The following FBLN5 variants were observed in gnomAD, a reference collection of about 807,000 sequenced individuals.
The protein encoded by FBLN5 is fibulin-5.
A neutral mutation model predicts 61.6 loss-of-function variants in FBLN5; 24 were observed. That is an observed-to-expected ratio of 0.39 (90% CI 0.28 to 0.55). The LOEUF is 0.55. FBLN5 is among the 20% of genes least tolerant of loss of function. FBLN5 has a pLI of 0.65. For synonymous variants in FBLN5, 213 were observed against 219.8 expected, an observed-to-expected ratio of 0.97 and a Z score of 0.27; for missense variants, 470 against 594.1, an observed-to-expected ratio of 0.79 and a Z score of 2.17.
Position 91,869,534 on chromosome 14 carries a change from G to A in FBLN5, c.*690C>T, listed in dbSNP as rs1469797841. 6.6e-6 allele frequency: 1 copy of A among 152,654 alleles called. No homozygotes were observed. The highest frequency in any genetic ancestry group is 2.4e-5 in the African/African-American group (1 of 41,448). The allele number at this position is 152,654 out of a possible 1,614,324, so 9.5% of individuals were successfully genotyped here. The stretch of plus-strand genomic sequence containing the variant: ...ACTGGGCTAAAATGGAGAGGAGACT[G>A]GGTTTGGGAAGACAGAACATAGCAT... On this transcript the variant is annotated 3_prime_UTR_variant, in exon 11 of 11. Coordinates refer to ENST00000342058, the MANE Select transcript of FBLN5 (RefSeq NM_006329.4).
chr14:91,879,866 C>T (rs2139954184), intron 9 of FBLN5, among the ~76,000 whole-genome samples: 1 of 152,306 alleles, frequency 6.6e-6, no homozygotes, highest in African/African-American at 2.4e-5. Flanking sequence ...CTGATTCATC[C>T]TTTCGTCTCC....
At chr14:91,912,019 T>A (rs953034340) in intron 4 of FBLN5, among the ~76,000 whole-genome samples, 1 of 152,262 alleles carries the variant, frequency 6.6e-6, no homozygotes, top group African/African-American at 2.4e-5. Flanking sequence ...TATTACACTG[T>A]GCATCATTGT....
chr14:91,941,747 C>A (rs1354514257), intron 2 of FBLN5, among the ~76,000 whole-genome samples: 1 of 149,682 alleles, frequency 6.7e-6, no homozygotes, highest in Non-Finnish European at 1.5e-5. Flanking sequence ...CTCTGCGTAA[C>A]TTTTCTATGC....
chr14:91,877,745 T>G, intron 9 of FBLN5, 63 bp from the exon 10 acceptor site: 1 of 1,345,366 alleles, frequency 7.4e-7, no homozygotes. Flanking sequence ...CTGTGCCTAC[T>G]TCCTCTCTTA....
chr14:91,883,151 C>A, intron 7 of FBLN5, 75 bp from the exon 8 acceptor site: 1 of 1,510,784 alleles, frequency 6.6e-7, no homozygotes, highest in South Asian at 1.1e-5. Context: ...CCATCTACTC[C>A]AACTCTCACA....
chr14:91,894,881 A>C (rs186998734), intron 5 of FBLN5, 69 bp downstream of exon 5: 1 of 1,292,086 alleles, frequency 7.7e-7, no homozygotes. Flanking sequence ...AGCTATGCCC[A>C]TACCTCAAAA....
At position 91,891,241 on chromosome 14, in the gene FBLN5, T is replaced by A; in HGVS notation, c.599A>T (p.Glu200Val). 1 of 1,609,436 alleles carries A rather than the reference T, an allele frequency of 6.2e-7. No individual in the cohort carries two copies. Among genetic ancestry groups the A allele is most frequent in the Non-Finnish European group, 8.5e-7 (1 of 1,175,674 alleles). ...CATACCTTGGCAAGACCTTCCATCC[T>A]CATTGAGGGTAAAACCAGGGTTGCA... is the stretch of plus-strand genomic sequence containing the variant. ...CTCNPGFTLNEDGRSCQDVNE... is the reference protein window; with the variant it reads ...CTCNPGFTLNVDGRSCQDVNE... The change falls in exon 6 of 11, where the codon GAG becomes GTG. Residue 200 changes from glutamate to valine, a missense_variant. Physicochemically the swap from Glu to Val is moderately radical, Grantham distance 121 (BLOSUM62 -2). Transcript: ENST00000342058.
intron 4 of FBLN5, among the ~76,000 whole-genome samples, chr14:91,920,666 G>A (rs1040280680): frequency 1.3e-5 from 2 of 152,142 alleles, no homozygotes; most frequent in African/African-American, 4.8e-5. Flanking sequence ...GGCAGAATCA[G>A]CTGTTCCCAC....
chr14:91,913,355 A>C (rs1891041666), intron 4 of FBLN5, among the ~76,000 whole-genome samples: 1 of 152,212 alleles, frequency 6.6e-6, no homozygotes, highest in Non-Finnish European at 1.5e-5. Flanking sequence ...AATAGAGCCT[A>C]TTACTATTAA....
intron 4 of FBLN5, among the ~76,000 whole-genome samples, chr14:91,913,877 T>C (rs1325064332): frequency 1.3e-5 from 2 of 152,110 alleles, no homozygotes; most frequent in Non-Finnish European, 2.9e-5. Context: ...ACTAAATAAA[T>C]CATGGATAAC....
chr14:91,944,190 G>A (rs1192040156), intron 1 of FBLN5, among the ~76,000 whole-genome samples: 1 of 152,052 alleles, frequency 6.6e-6, no homozygotes, highest in Non-Finnish European at 1.5e-5. Context: ...AAATTTGCCA[G>A]GCATGGTGGT....
chr14:91,927,562 A>C (rs1204449021), intron 4 of FBLN5, among the ~76,000 whole-genome samples: 3 of 152,284 alleles, frequency 2.0e-5, no homozygotes, highest in Non-Finnish European at 4.4e-5. Flanking sequence ...ACCTTGCTCC[A>C]TCTCAACACA....
At chr14:91,906,132 C>T (rs1890676633) in intron 4 of FBLN5, among the ~76,000 whole-genome samples, 1 of 152,178 alleles carries the variant, frequency 6.6e-6, no homozygotes, top group South Asian at 2.1e-4. Context: ...GGTGATCTGC[C>T]TGCCTCAGCC....
chr14:91,922,570 C>G (rs1423753801), intron 4 of FBLN5, among the ~76,000 whole-genome samples: 1 of 152,102 alleles, frequency 6.6e-6, no homozygotes, highest in Non-Finnish European at 1.5e-5. Flanking sequence ...GCCACCTGGC[C>G]CCCAGCCACT....
chr14:91,887,623 C>G (rs1438032202), intron 6 of FBLN5, among the ~76,000 whole-genome samples: 1 of 152,174 alleles, frequency 6.6e-6, no homozygotes, highest in African/African-American at 2.4e-5. Flanking sequence ...CGCACCCCCC[C>G]AACCAGGAAT....
chr14:91,945,431 G>A (rs1379473138), intron 1 of FBLN5, among the ~76,000 whole-genome samples: 1 of 152,124 alleles, frequency 6.6e-6, no homozygotes, highest in African/African-American at 2.4e-5. Flanking sequence ...GCAAGGGCAT[G>A]GAAAGAAATA....
At chr14:91,935,290 A>G (rs12586793) in intron 4 of FBLN5, among the ~76,000 whole-genome samples, 46,781 of 152,134 alleles carry the variant, frequency 0.31, 7,436 homozygotes, top group Middle Eastern at 0.42. Flanking sequence ...CTTTGGAGAA[A>G]GCCGCAGCAG....
chr14:91,883,164 G>C (rs1047392356), intron 7 of FBLN5, 88 bp from the exon 8 acceptor site: 19 of 1,445,500 alleles, frequency 1.3e-5, no homozygotes, highest in Admixed American at 8.4e-5. Context: ...CTCTCACACT[G>C]TCTTGATACA....
At chr14:91,918,519 T>TG (rs1595333549) in intron 4 of FBLN5, among the ~76,000 whole-genome samples, 2 of 152,338 alleles carry the variant, frequency 1.3e-5, no homozygotes, top group Non-Finnish European at 2.9e-5. Flanking sequence ...ATTTGAACTC[T>TG]GGGGGCTTAA....
Sources: gnomAD v4.1 joint callset for allele counts (sites outside exome capture counted in the v4.1 genomes callset) on GRCh38, gnomAD v4.1.1 for gene constraint, MANE v1.5 for transcripts, NCBI Gene and HGNC (gene_info 2026-07-23, HGNC 2026-07-21) for gene names.